The following FAT1 variants were observed in gnomAD, a reference collection of about 807,000 sequenced individuals.
FAT1 encodes FAT atypical cadherin 1, also known as protocadherin Fat 1.
A neutral mutation model predicts 329.8 loss-of-function variants in FAT1; 171 were observed. The observed-to-expected ratio is 0.52, with a 90% CI of 0.46 to 0.59. The LOEUF (loss-of-function observed/expected upper bound fraction) is 0.59, where lower values mean the gene tolerates loss of function less well. Ranked by LOEUF, FAT1 falls within the 20% of genes least tolerant of loss-of-function variation. FAT1 has a pLI of 0.00. For synonymous variants in FAT1, 2,233 were observed against 2,228.6 expected (o/e 1.00, Z -0.06); for missense variants, 5,672 against 5,774.4 (o/e 0.98, Z 0.57).
intron 1 of FAT1, among the ~76,000 whole-genome samples, chr4:186,711,413 A>G (rs1744945699): frequency 6.6e-6 from 1 of 152,226 alleles, no homozygotes; most frequent in African/African-American, 2.4e-5. Flanking sequence ...ATTTTCTCCC[A>G]AAACTATCTC....
rs2126348902 is a variant in FAT1, at chr4:186,588,726, A to T, written c.13633T>A (p.Ser4545Thr). ...CAGCAGGCTGACACGTCAGAGCAGG[A>T]GGCGGTGGAGGCGTACACAGACATG... ...MPMSVYASTA[S>T]CSDVSACCEV... Residue 4545 changes from serine to threonine, a missense_variant, in exon 27 of 27, where the codon TCC (serine) becomes ACC (threonine). Around this residue, in one of 2 missense-constraint regions of FAT1, gnomAD observed 1,706 missense variants for 1,859.1 expected, o/e 0.92. Coordinates refer to ENST00000441802, the MANE Select transcript of FAT1 (RefSeq NM_005245.4). 2 of 1,613,932 alleles carry T rather than the reference A, an allele frequency of 1.2e-6. No individual in the cohort carries two copies. Among genetic ancestry groups the T allele is most frequent in the Non-Finnish European group, 1.7e-6 (2 of 1,179,890 alleles).
chr4:186,645,659 C>CTG (rs1741338571), intron 3 of FAT1, among the ~76,000 whole-genome samples: 1 of 151,450 alleles, frequency 6.6e-6, no homozygotes, highest in African/African-American at 2.4e-5. Context: ...TAAATTTCAA[C>CTG]ATCAGCACAG....
At chr4:186,662,580 G>C (rs1003578340) in intron 3 of FAT1, among the ~76,000 whole-genome samples, 7 of 152,036 alleles carry the variant, frequency 4.6e-5, no homozygotes, top group Non-Finnish European at 4.4e-5. Flanking sequence ...TGCTCTATAG[G>C]AAACACTTAA....
chr4:186,605,001 C>A lies in FAT1; in HGVS notation c.10351-427G>T, dbSNP rs186375382. Among the ~76,000 whole-genome samples the A allele has an allele frequency of 6.2e-3, 938 of 150,538 alleles. 14 individuals are homozygous for A. The highest frequency in any genetic ancestry group is 0.022 in the African/African-American group (882 of 40,242). On this transcript the variant is annotated intron_variant, in intron 17 of 26. Transcript: ENST00000441802. ...TGGGAGGCTGAGGCGGGCGGATCAC[C>A]TGAGGTCAGGAGTTCGAGACCAGCC...
chr4:186,676,609 T>TA (rs1742968491), intron 2 of FAT1, among the ~76,000 whole-genome samples: 1 of 152,182 alleles, frequency 6.6e-6, no homozygotes, highest in African/African-American at 2.4e-5. Flanking sequence ...TATTCAATGA[T>TA]TAAAATGTCA....
At position 186,597,029 on chromosome 4, in the gene FAT1, C is replaced by T. The variant is rs1026399548; in HGVS notation, c.12511G>A (p.Val4171Met). The T allele has an allele frequency of 3.1e-6, 5 of 1,613,918 alleles. No individual in the cohort carries two copies. The African/African-American group carries it at 5.3e-5, about 17-fold the overall frequency. ...HCEDAAPNQY[V>M]STPWNIGLAE... ...AACCCAATGTTCCACGGCGTGGACACATACTGGTTGGGCGCAGCATCCTCG... is the reference window on the plus strand; with the variant it reads ...AACCCAATGTTCCACGGCGTGGACATATACTGGTTGGGCGCAGCATCCTCG... The change falls in exon 25 of 27, where the codon GTG becomes ATG. Residue 4171 changes from valine (V) to methionine (M), a missense_variant. Val to Met is a conservative substitution (Grantham distance 21). Transcript: ENST00000441802.
Position 186,601,296 on chromosome 4 carries a change from A to G in FAT1, c.11613T>C (p.Ala3871=). The change falls in exon 21 of 27, where the codon GCT becomes GCC. Residue 3871 remains alanine, a synonymous_variant. Coordinates refer to ENST00000441802, the MANE Select transcript of FAT1 (RefSeq NM_005245.4). ...TYSTHAVVMY[A]RGTDYSILEI... The stretch of plus-strand genomic sequence containing the variant: ...CCAAGATGCTATAGTCAGTTCCTCG[A>G]GCATACATGACAACCGCATGCGTGG... 6.2e-7 allele frequency: 1 copy of G among 1,607,924 alleles called. No individual in the cohort carries two copies. Among genetic ancestry groups the G allele is most frequent in the Non-Finnish European group, 8.5e-7 (1 of 1,175,024 alleles).
At chr4:186,725,834 C>T (rs539534040), upstream of FAT1, among the ~76,000 whole-genome samples, 6 of 152,188 alleles carry the variant, frequency 3.9e-5, no homozygotes, top group Non-Finnish European at 5.9e-5. This position sits in a 1 kb window ranked among gnomAD's most constrained non-coding sequence, Gnocchi z 5.4. Context: ...TTTCCTCCAG[C>T]ACGGCCTCTA....
chr4:186,616,277 C>T (rs903620503), intron 11 of FAT1, among the ~76,000 whole-genome samples: 5 of 152,150 alleles, frequency 3.3e-5, no homozygotes, highest in South Asian at 4.1e-4. Flanking sequence ...TCCCTTGGAA[C>T]GACCGCCACT....
At chr4:186,600,755 G>C (rs551343794) in intron 21 of FAT1, among the ~76,000 whole-genome samples, 2 of 152,314 alleles carry the variant, frequency 1.3e-5, no homozygotes, top group African/African-American at 4.8e-5. Flanking sequence ...TTGTCGCCCA[G>C]GCTGGAGTGC....
At position 186,706,880 on chromosome 4, in the gene FAT1, A is replaced by G; in HGVS notation, c.2948T>C (p.Val983Ala). The change falls in exon 2 of 27, where the codon GTT (valine) becomes GCT (alanine). Residue 983 changes from valine (V) to alanine (A), a missense_variant. Coordinates refer to ENST00000441802, the MANE Select transcript of FAT1 (RefSeq NM_005245.4). ...NFDVDKLSGA[V>A]RIVQQLDFEK... The stretch of plus-strand genomic sequence containing the variant: ...AAAGTCCAACTGCTGGACGATCCTA[A>G]CTGCTCCACTGAGTTTATCCACATC... 6.2e-7 allele frequency: 1 copy of G among 1,613,412 alleles called. No individual in the cohort carries two copies. The highest frequency in any genetic ancestry group is 8.5e-7 in the Non-Finnish European group (1 of 1,179,728).
upstream of FAT1, among the ~76,000 whole-genome samples, chr4:186,725,862 C>A (rs1406918234): frequency 1.3e-5 from 2 of 152,170 alleles, no homozygotes; most frequent in African/African-American, 4.8e-5. This position sits in a 1 kb window ranked among gnomAD's most constrained non-coding sequence, Gnocchi z 5.4. Flanking sequence ...TCCACCCAAG[C>A]TGATTTTTGT....
At chr4:186,711,737 T>A (rs1203484412) in intron 1 of FAT1, among the ~76,000 whole-genome samples, 1 of 152,210 alleles carries the variant, frequency 6.6e-6, no homozygotes, top group South Asian at 2.1e-4. Flanking sequence ...GGCCAAAACA[T>A]GGTGAAACCC....
rs556046628 is a variant in FAT1 at position 186,628,169 on chromosome 4, A to G, written c.4795T>C (p.Tyr1599His). Residue 1599 changes from tyrosine (Y) to histidine (H), a missense_variant, in exon 9 of 27, where the codon TAC becomes CAC. Tyr to His is a moderately conservative substitution (Grantham distance 83, BLOSUM62 2). Around this residue, in one of 2 missense-constraint regions of FAT1, gnomAD observed 3,966 missense variants for 3,915.2 expected, o/e 1.01. Coordinates refer to ENST00000441802, the MANE Select transcript of FAT1 (RefSeq NM_005245.4). ...KDKGKNAEVL[Y>H]SIESGNIGNS... ...CCAAAAGTACCTGACTCGATCGAGT[A>G]CAGCACTTCAGCATTTTTCCCTTTG... 1 of 1,613,898 alleles carries G rather than the reference A, an allele frequency of 6.2e-7. No homozygotes were observed. The highest frequency in any genetic ancestry group is 1.1e-5 in the South Asian group (1 of 91,024).
chr4:186,680,009 C>T (rs968541054), intron 2 of FAT1, among the ~76,000 whole-genome samples: 8 of 152,128 alleles, frequency 5.3e-5, no homozygotes. Context: ...CTAACTGTAC[C>T]CATTAATAGA....
chr4:186,698,235 C>T lies in FAT1; in HGVS notation c.3265+8328G>A, dbSNP rs551081123. Reference sequence around the variant, plus strand: ...AGACGGACTGAAGTCACAGACAGGCCGCGCACTGAGTCATACACTACAACA... The same window carrying T: ...AGACGGACTGAAGTCACAGACAGGCTGCGCACTGAGTCATACACTACAACA... On this transcript the variant is annotated intron_variant, in intron 2 of 26. Transcript: ENST00000441802. Among the ~76,000 whole-genome samples the T allele has an allele frequency of 4.0e-4, 61 of 152,200 alleles. 1 individual carries two copies. Among genetic ancestry groups the T allele is most frequent in the African/African-American group, 1.4e-3 (59 of 41,530 alleles).
At chr4:186,665,759 C>G (rs991749737) in intron 2 of FAT1, among the ~76,000 whole-genome samples, 2 of 151,968 alleles carry the variant, frequency 1.3e-5, no homozygotes, top group Non-Finnish European at 2.9e-5. Context: ...CGGCACTATT[C>G]ACAATAGCAA....
chr4:186,628,129 A>G, intron 9 of FAT1, 25 bp downstream of exon 9: 1 of 1,606,178 alleles, frequency 6.2e-7, no homozygotes, highest in Non-Finnish European at 8.5e-7. Context: ...CAAATTTAAA[A>G]TGCCACTGAA....
chr4:186,624,300 ATAT>A (rs1415274377), intron 9 of FAT1, among the ~76,000 whole-genome samples: 1 of 152,206 alleles, frequency 6.6e-6, no homozygotes, highest in Non-Finnish European at 1.5e-5. Context: ...GCTATTAAGT[ATAT>A]TACACAGAAC....
Sources: gnomAD v4.1 joint callset for allele counts (sites outside exome capture counted in the v4.1 genomes callset) on GRCh38, gnomAD v4.1.1 for gene constraint, gnomAD v4.1.1 regional missense constraint, Gnocchi (gnomAD v3.1) non-coding constraint, MANE v1.5 for transcripts, NCBI Gene and HGNC (gene_info 2026-07-23, HGNC 2026-07-21) for gene names.